EYS: variants seen among roughly 807,000 people sequenced by gnomAD.
EYS encodes the protein EGF-like photoreceptor maintenance factor.
EYS carries 250 observed loss-of-function variants against 282.1 expected under a neutral mutation model. That is an observed-to-expected ratio of 0.89 (90% CI 0.80 to 0.98). The LOEUF is 0.98. EYS is among the 50% of genes least tolerant of loss of function. The pLI is 0.00. For synonymous variants in EYS, 1,355 were observed against 1,282.9 expected (o/e 1.06, Z -1.20); for missense variants, 4,016 against 3,709.0 (o/e 1.08, Z -2.15).
chr6:64,329,335 AT>A (rs979008109), intron 29 of EYS, among the ~76,000 whole-genome samples: 1 of 152,142 alleles, frequency 6.6e-6, no homozygotes, highest in Non-Finnish European at 1.5e-5. Context: ...TTAGGAAGAG[AT>A]TTGCTCCAGA....
At chr6:65,455,154 T>C (rs1764553561) in intron 5 of EYS, among the ~76,000 whole-genome samples, 1 of 152,168 alleles carries the variant, frequency 6.6e-6, no homozygotes. Flanking sequence ...TGTCCGTTTA[T>C]TTCTGTCCTC....
At chr6:64,323,002 GTATA>G (rs1770273429) in intron 29 of EYS, among the ~76,000 whole-genome samples, 1 of 152,028 alleles carries the variant, frequency 6.6e-6, no homozygotes, top group African/African-American at 2.4e-5. Context: ...GCAGCTATCT[GTATA>G]CTAATTTCCC....
chr6:63,954,054 A>C (rs1424882290), intron 35 of EYS, among the ~76,000 whole-genome samples: 3 of 151,778 alleles, frequency 2.0e-5, no homozygotes, highest in South Asian at 2.1e-4. Flanking sequence ...AGCCATACTC[A>C]CTCTTTGTTG....
intron 22 of EYS, among the ~76,000 whole-genome samples, chr6:64,737,682 T>C (rs180787736): frequency 6.6e-6 from 1 of 152,332 alleles, no homozygotes; most frequent in East Asian, 1.9e-4. Context: ...AGCTGCTTCC[T>C]TTGTAGACAT....
chr6:64,320,867 A>G (rs1770192311), intron 29 of EYS, among the ~76,000 whole-genome samples: 1 of 151,690 alleles, frequency 6.6e-6, no homozygotes, highest in African/African-American at 2.4e-5. Context: ...TGGCCAGAAA[A>G]CCTATATGCT....
At chr6:64,168,464 T>TA (rs1487964729) in intron 31 of EYS, among the ~76,000 whole-genome samples, 1 of 151,980 alleles carries the variant, frequency 6.6e-6, no homozygotes, top group Non-Finnish European at 1.5e-5. Context: ...GCAAGAGAAA[T>TA]AAAAACATGT....
intron 22 of EYS, among the ~76,000 whole-genome samples, chr6:64,758,347 T>C (rs1773025977): frequency 6.6e-6 from 1 of 152,138 alleles, no homozygotes; most frequent in Non-Finnish European, 1.5e-5. Context: ...AACATCAAAA[T>C]ATAAGAGGAT....
intron 35 of EYS, among the ~76,000 whole-genome samples, chr6:63,886,147 G>T (rs1373995625): frequency 2.0e-5 from 3 of 152,124 alleles, no homozygotes; most frequent in Admixed American, 2.0e-4. Context: ...TAAATAATTT[G>T]TAAATTTTAT....
intron 32 of EYS, among the ~76,000 whole-genome samples, chr6:64,078,730 C>A (rs552267945): frequency 1.3e-5 from 2 of 152,104 alleles, no homozygotes; most frequent in East Asian, 1.9e-4. Flanking sequence ...CCAATAATTT[C>A]TAGTTTGATT....
intron 12 of EYS, among the ~76,000 whole-genome samples, chr6:65,094,170 A>T (rs956582783): frequency 2.6e-5 from 4 of 151,546 alleles, no homozygotes; most frequent in Admixed American, 2.6e-4. Flanking sequence ...AAGATAAAAC[A>T]ATTACAAATA....
At chr6:64,726,320 A>C (rs992289446) in intron 22 of EYS, among the ~76,000 whole-genome samples, 1 of 152,162 alleles carries the variant, frequency 6.6e-6, no homozygotes, top group South Asian at 2.1e-4. Context: ...TCTGGAGGGC[A>C]AAGAATATCT....
At chr6:65,167,406 CTT>C (rs1341075959) in intron 12 of EYS, among the ~76,000 whole-genome samples, 2 of 151,170 alleles carry the variant, frequency 1.3e-5, no homozygotes, top group Non-Finnish European at 3.0e-5. Flanking sequence ...GATTGCACAA[CTT>C]TGTGAGTTTT....
rs1774251501 is a variant in EYS, at chr6:64,793,383, G to A, written c.3443+19995C>T. ...TTTAAAAATTAAGTATGACCTGGGAGGAAGAATACTGGGCAGTCTTTAGGA... is the reference window on the plus strand; with the variant it reads ...TTTAAAAATTAAGTATGACCTGGGAAGAAGAATACTGGGCAGTCTTTAGGA... On this transcript the variant is annotated intron_variant, in intron 22 of 42. Coordinates refer to ENST00000503581, the MANE Select transcript of EYS (RefSeq NM_001142800.2). 2.0e-5 allele frequency among the ~76,000 whole-genome samples: 3 copies of A among 152,078 alleles called. No homozygotes were observed. The South Asian group carries it at 6.2e-4, about 31-fold the overall frequency.
chr6:65,657,988 A>C (rs145384871), intron 1 of EYS, among the ~76,000 whole-genome samples: 362 of 151,982 alleles, frequency 2.4e-3, no homozygotes, highest in African/African-American at 8.3e-3. Flanking sequence ...TCAGATGATC[A>C]CTGGAATTTT....
At chr6:64,275,526 C>A (rs894664305) in intron 30 of EYS, among the ~76,000 whole-genome samples, 3 of 149,008 alleles carry the variant, frequency 2.0e-5, no homozygotes, top group Non-Finnish European at 4.4e-5. Flanking sequence ...ACGCCATTCT[C>A]CTGCCTCAGC....
At chr6:64,818,730 T>C (rs1214199670) in intron 21 of EYS, among the ~76,000 whole-genome samples, 1 of 151,854 alleles carries the variant, frequency 6.6e-6, no homozygotes, top group African/African-American at 2.4e-5. Context: ...TTCCACGTTC[T>C]TCTGGCTGCT....
chr6:65,242,690 G>A (rs1386119030), intron 12 of EYS, among the ~76,000 whole-genome samples: 5 of 152,040 alleles, frequency 3.3e-5, no homozygotes, highest in Admixed American at 6.6e-5. Context: ...TTGAGGACTT[G>A]CCAAAATAGT....
Position 65,329,464 on chromosome 6 carries a change from G to A in EYS, c.1766+5516C>T, listed in dbSNP as rs1033503912. 3.1e-6 allele frequency: 3 copies of A among 961,538 alleles called. No individual in the cohort carries two copies. The African/African-American group carries it at 5.3e-5, about 17-fold the overall frequency. The allele number at this position is 961,538 out of a possible 1,614,324, so 59.6% of individuals were successfully genotyped here. ...AAAGAGAGAAAATATATCAGTGTAT[G>A]TAAGTGCCTTAGACAAAAAGATTTA... On this transcript the variant is annotated intron_variant, in intron 11 of 42. Coordinates refer to ENST00000503581, the MANE Select transcript of EYS (RefSeq NM_001142800.2).
chr6:65,157,327 C>T (rs903013987), intron 12 of EYS, among the ~76,000 whole-genome samples: 1 of 150,774 alleles, frequency 6.6e-6, no homozygotes, highest in Non-Finnish European at 1.5e-5. Context: ...GTTTACTAGC[C>T]ATTGAATATT....
Sources: gnomAD v4.1 joint callset for allele counts (sites outside exome capture counted in the v4.1 genomes callset) on GRCh38, gnomAD v4.1.1 for gene constraint, MANE v1.5 for transcripts, NCBI Gene and HGNC (gene_info 2026-07-23, HGNC 2026-07-21) for gene names.